Variants in E2F1 observed in about 807,000 individuals in gnomAD.
E2F1 encodes transcription factor E2F1.
A neutral mutation model predicts 36.9 loss-of-function variants in E2F1; 7 were observed. The ratio of observed to expected loss-of-function variants is 0.19; its 90% CI spans 0.11 to 0.36. The LOEUF is 0.36. E2F1 is among the 10% of genes least tolerant of loss of function. E2F1 has a pLI of 1.00. For synonymous variants in E2F1, 261 were observed against 263.1 expected, an observed-to-expected ratio of 0.99 and a Z score of 0.08; for missense variants, 406 against 573.6, an observed-to-expected ratio of 0.71 and a Z score of 2.99.
chr20:33,684,705 T>C (rs1218513740), intron 1 of E2F1, among the ~76,000 whole-genome samples: 1 of 152,158 alleles, frequency 6.6e-6, no homozygotes, highest in Admixed American at 6.5e-5. Flanking sequence ...GCTATTGTTA[T>C]TATTATTAGC....
In E2F1 at chr20:33,686,317, C is replaced by T; in HGVS notation, c.-53G>A. On this transcript the variant is annotated 5_prime_UTR_variant, in exon 1 of 7. Transcript: ENST00000343380. ...GACAGGCGGCGGCGGCGGCGCGGGCCCATGGCGGCAGGCCTCGGCGAGGGC... is the reference window on the plus strand; with the variant it reads ...GACAGGCGGCGGCGGCGGCGCGGGCTCATGGCGGCAGGCCTCGGCGAGGGC... 1.0e-6 allele frequency: 1 copy of T among 995,086 alleles called. No homozygotes were observed. Among genetic ancestry groups the T allele is most frequent in the South Asian group, 4.6e-5 (1 of 21,892 alleles). 61.6% of individuals were successfully genotyped at this position (995,086 alleles called of 1,614,324 possible). A position where few individuals can be genotyped will look rare whatever the true frequency, so the allele number is the denominator to read the frequency against.
chr20:33,683,420 C>T (rs2018034994), intron 1 of E2F1, among the ~76,000 whole-genome samples: 1 of 129,580 alleles, frequency 7.7e-6, no homozygotes. Context: ...CACTGTACTC[C>T]AACCTAGGTG....
intron 1 of E2F1, among the ~76,000 whole-genome samples, chr20:33,681,839 G>C (rs2122548783): frequency 6.6e-6 from 1 of 152,204 alleles, no homozygotes; most frequent in Non-Finnish European, 1.5e-5. Context: ...GCTGCAGCCA[G>C]TCCTCCTACA....
At position 33,677,500 on chromosome 20, in the gene E2F1, C is replaced by T. The variant is rs758585438; in HGVS notation, c.766G>A (p.Asp256Asn). The change falls in exon 5 of 7, where the codon GAC (aspartate) becomes AAC (asparagine). Residue 256 changes from aspartate (D) to asparagine (N), a missense_variant. Physicochemically the swap from Asp to Asn is conservative, Grantham distance 23. Transcript: ENST00000343380. ...VTCQDLRSIA[D>N]PAEQMVMVIK... Reference sequence around the variant, plus strand: ...ACCATAACCATCTGCTCTGCAGGGTCTGCAATGCTACGAAGGTCCTGACAC... The same window carrying T: ...ACCATAACCATCTGCTCTGCAGGGTTTGCAATGCTACGAAGGTCCTGACAC... The T allele has an allele frequency of 6.2e-7, 1 of 1,614,016 alleles. No individual in the cohort carries two copies. Among genetic ancestry groups the T allele is most frequent in the East Asian group, 2.2e-5 (1 of 44,882 alleles).
intron 2 of E2F1, 148 bp downstream of exon 2, chr20:33,680,178 G>C: frequency 1.1e-6 from 1 of 938,798 alleles, no homozygotes; most frequent in Non-Finnish European, 1.6e-6. Flanking sequence ...ACCAAGCCAG[G>C]TGGCCACTCC....
At chr20:33,681,710 TAG>T (rs1325417771) in intron 1 of E2F1, among the ~76,000 whole-genome samples, 1 of 152,144 alleles carries the variant, frequency 6.6e-6, no homozygotes, top group Non-Finnish European at 1.5e-5. Flanking sequence ...TTTCCTGAGC[TAG>T]AGTTCCTGAC....
At chr20:33,678,713 G>C (rs182743192) in intron 3 of E2F1, among the ~76,000 whole-genome samples, 67 of 152,202 alleles carry the variant, frequency 4.4e-4, no homozygotes, top group Admixed American at 2.7e-3. Flanking sequence ...CAGCACTTTG[G>C]GGGGCTGAGG....
intron 1 of E2F1, 130 bp downstream of exon 1, chr20:33,685,874 C>A: frequency 3.3e-6 from 3 of 910,260 alleles, no homozygotes; most frequent in Non-Finnish European, 4.0e-6. Flanking sequence ...GGCTCTGCAC[C>A]GCCCAGCCTG....
Position 33,677,180 on chromosome 20 carries a change from C to G in E2F1, c.991G>C (p.Val331Leu), listed in dbSNP as rs1209699253. The G allele has an allele frequency of 2.5e-6, 4 of 1,614,150 alleles. No homozygotes were observed. In the South Asian group the frequency reaches 4.4e-5, roughly 18 times the overall value. Residue 331 changes from valine (V) to leucine (L), a missense_variant, in exon 6 of 7, where the codon GTG (valine) becomes CTG (leucine). By Grantham distance (32) the Val-to-Leu change is conservative. Transcript: ENST00000343380. ...ENRATDSATI[V>L]SPPPSSPPSS... is the part of the protein sequence containing the mutation. Reference sequence around the variant, plus strand: ...GGGGGAGATGATGGTGGTGGTGACACTATGGTGGCAGAGTCAGTGGCCCTG... The same window carrying G: ...GGGGGAGATGATGGTGGTGGTGACAGTATGGTGGCAGAGTCAGTGGCCCTG...
intron 1 of E2F1, among the ~76,000 whole-genome samples, chr20:33,681,477 A>G (rs184391663): frequency 1.4e-4 from 21 of 152,160 alleles, no homozygotes; most frequent in Non-Finnish European, 2.9e-4. Flanking sequence ...TGGCTGTATA[A>G]AAATGGCCCC....
At position 33,678,189 on chromosome 20, in the gene E2F1, A is replaced by G. The variant is rs781204653; in HGVS notation, c.725+12T>C. The G allele has an allele frequency of 1.8e-5, 29 of 1,609,174 alleles. No homozygotes were observed. Among genetic ancestry groups the G allele is most frequent in the Non-Finnish European group, 2.4e-5 (28 of 1,176,546 alleles). On this transcript the variant is annotated intron_variant, in intron 4 of 6. Transcript: ENST00000343380. ...GCCTGCCTTCCACACCCTACGGCCAATCCAAGGATATCGCTGGCTGTCAGT... is the reference window on the plus strand; with the variant it reads ...GCCTGCCTTCCACACCCTACGGCCAGTCCAAGGATATCGCTGGCTGTCAGT...
At chr20:33,682,916 G>A (rs1439154837) in intron 1 of E2F1, among the ~76,000 whole-genome samples, 1 of 152,198 alleles carries the variant, frequency 6.6e-6, no homozygotes, top group African/African-American at 2.4e-5. Flanking sequence ...AAAAGCTCAT[G>A]AAACTTTTCT....
chr20:33,683,076 C>T (rs1470917497), intron 1 of E2F1, among the ~76,000 whole-genome samples: 2 of 152,172 alleles, frequency 1.3e-5, no homozygotes, highest in East Asian at 1.9e-4. Flanking sequence ...ACAACCACCA[C>T]AAACAAAAAT....
chr20:33,679,961 C>A lies in E2F1; in HGVS notation c.366G>T (p.Pro122=). Residue 122 remains proline (P), a synonymous_variant, in exon 3 of 7, where the codon CCG becomes CCT. Coordinates refer to ENST00000343380, the MANE Select transcript of E2F1 (RefSeq NM_005225.3). The surrounding 1 kb of genome is among the most constrained non-coding windows in gnomAD (Gnocchi z 4.6). The part of the protein sequence containing the change: ...GRHPGKGVKS[P]GEKSRYETSL... ...AGGTCTCATAGCGTGACTTCTCCCCCGGGGATTTCACACCTGTGGGGGTGT... is the reference window on the plus strand; with the variant it reads ...AGGTCTCATAGCGTGACTTCTCCCCAGGGGATTTCACACCTGTGGGGGTGT... The A allele has an allele frequency of 6.2e-7, 1 of 1,613,754 alleles. No individual in the cohort carries two copies. Among genetic ancestry groups the A allele is most frequent in the Non-Finnish European group, 8.5e-7 (1 of 1,179,770 alleles).
At chr20:33,685,920 C>T in intron 1 of E2F1, 84 bp downstream of exon 1, 1 of 1,050,156 alleles carries the variant, frequency 9.5e-7, no homozygotes, top group Non-Finnish European at 1.1e-6. Flanking sequence ...CCCCCTGCCG[C>T]CTCCAGGCCA....
chr20:33,683,632 G>A (rs2018037695), intron 1 of E2F1, among the ~76,000 whole-genome samples: 3 of 151,478 alleles, frequency 2.0e-5, no homozygotes, highest in Admixed American at 1.3e-4. Flanking sequence ...AATTGGCTGG[G>A]CATGGTGGTA....
chr20:33,677,338 G>T lies in E2F1; in HGVS notation c.841-8C>A. The T allele has an allele frequency of 6.2e-7, 1 of 1,612,536 alleles. No individual in the cohort carries two copies. ...AAGGGAGATCTGAAAGTTCTGGGTG[G>T]AAGCAGCAGGCAGGGTAAACTGAGG... On this transcript the variant is annotated splice_polypyrimidine_tract_variant and splice_region_variant and intron_variant, in intron 5 of 6. Coordinates refer to ENST00000343380, the MANE Select transcript of E2F1 (RefSeq NM_005225.3).
At chr20:33,680,899 C>T (rs1415033010) in intron 1 of E2F1, among the ~76,000 whole-genome samples, 3 of 152,214 alleles carry the variant, frequency 2.0e-5, no homozygotes, top group African/African-American at 7.2e-5. Context: ...CCAACAGCAA[C>T]ACTTAGTCAC....
intron 1 of E2F1, among the ~76,000 whole-genome samples, chr20:33,681,849 A>G (rs2018020921): frequency 6.6e-6 from 1 of 151,984 alleles, no homozygotes; most frequent in Admixed American, 6.6e-5. Flanking sequence ...GTCCTCCTAC[A>G]AACCTTACCA....
Sources: allele counts gnomAD v4.1 joint callset (sites outside exome capture counted in the v4.1 genomes callset), GRCh38; gene constraint gnomAD v4.1.1; non-coding constraint Gnocchi (gnomAD v3.1); transcripts MANE v1.5; gene names NCBI Gene and HGNC (gene_info 2026-07-23, HGNC 2026-07-21).